Variants in FLT4 observed in about 807,000 individuals in gnomAD.
FLT4 encodes vascular endothelial growth factor receptor 3.
A neutral mutation model predicts 163.2 loss-of-function variants in FLT4; 30 were observed. That is an observed-to-expected ratio of 0.18 (90% CI 0.14 to 0.25). The LOEUF is 0.25. Among genes scored for constraint, FLT4 ranks in the 10% least tolerant of loss-of-function variants. The pLI, the probability that FLT4 is intolerant of heterozygous loss-of-function variation, is 1.00. For synonymous variants in FLT4, 884 were observed against 789.5 expected (o/e 1.12, Z -2.01); for missense variants, 1,510 against 1,863.8 (o/e 0.81, Z 3.50).
In FLT4 at chr5:180,630,254, T is replaced by C. The variant is rs556048251; in HGVS notation, c.484A>G (p.Ile162Val). The C allele has an allele frequency of 1.2e-6, 2 of 1,612,524 alleles. No individual in the cohort carries two copies. The highest frequency in any genetic ancestry group is 2.2e-5 in the East Asian group (1 of 44,854). The change falls in exon 4 of 30, where the codon ATC (isoleucine) becomes GTC (valine). Residue 162 changes from isoleucine (I) to valine (V), a missense_variant. Around this residue, in one of 5 missense-constraint regions of FLT4, gnomAD observed 163 missense variants for 281.1 expected, o/e 0.58. Transcript: ENST00000261937. This position sits in a 1 kb window ranked among gnomAD's most constrained non-coding sequence, Gnocchi z 6.3. ...CGCAGCGTGACATTGAGGCCGGGGA[T>C]GGACACCAGACAGGGCACCCACATG... Reference protein sequence around the residue: ...DAMWVPCLVSIPGLNVTLRSQ... With the variant: ...DAMWVPCLVSVPGLNVTLRSQ...
Position 180,616,385 on chromosome 5 carries a change from G to A in FLT4, c.3201C>T (p.Asp1067=), listed in dbSNP as rs752833693. The change falls in exon 23 of 30, where the codon GAC becomes GAT. Residue 1067 remains aspartate (D), a synonymous_variant. Transcript: ENST00000261937. ...GLARDIYKDP[D]YVRKGSARLP... ...CACTCACACTGCCCTTGCGGACGTA[G>A]TCGGGGTCTTTGTAGATGTCCCGGG... 5 of 1,614,014 alleles carry A rather than the reference G, an allele frequency of 3.1e-6. No homozygotes were observed. Among genetic ancestry groups the A allele is most frequent in the East Asian group, 4.5e-5 (2 of 44,884 alleles).
intron 1 of FLT4, among the ~76,000 whole-genome samples, chr5:180,643,976 C>A (rs1323986265): frequency 6.6e-6 from 1 of 152,144 alleles, no homozygotes; most frequent in East Asian, 1.9e-4. Context: ...CGCCTGCCAC[C>A]GCACGCAGCT....
At chr5:180,638,668 G>A (rs111266239) in intron 1 of FLT4, among the ~76,000 whole-genome samples, 198 of 152,152 alleles carry the variant, frequency 1.3e-3, no homozygotes, top group African/African-American at 4.1e-3. Context: ...TCACATTCAC[G>A]TCCTCCAGCC....
chr5:180,631,414 A>G (rs536787394), intron 2 of FLT4, among the ~76,000 whole-genome samples: 6 of 152,012 alleles, frequency 3.9e-5, no homozygotes, highest in East Asian at 1.9e-4. Context: ...CAGAGCTTGC[A>G]GTGAGCCGAG....
Position 180,620,710 on chromosome 5 carries a change from C to T in FLT4, c.2305G>A (p.Glu769Lys), listed in dbSNP as rs144822344. The change falls in exon 16 of 30, where the codon GAG (glutamate) becomes AAG (lysine). Residue 769 changes from glutamate to lysine, a missense_variant. By Grantham distance (56) the Glu-to-Lys change is moderately conservative. Around this residue, in one of 5 missense-constraint regions of FLT4, gnomAD observed 878 missense variants for 1,016.7 expected, o/e 0.86. Transcript: ENST00000261937. This position sits in a 1 kb window ranked among gnomAD's most constrained non-coding sequence, Gnocchi z 4.4. Reference sequence around the variant, plus strand: ...ACGATCTCCATGCTGCCCTTATCCTCGGAGCCTGCGTGGGCAGAAAGGGGC... The same window carrying T: ...ACGATCTCCATGCTGCCCTTATCCTTGGAGCCTGCGTGGGCAGAAAGGGGC... The part of the protein sequence containing the change: ...SSASVAVEGS[E>K]DKGSMEIVIL... 2.0e-5 allele frequency: 33 copies of T among 1,612,934 alleles called. No homozygotes were observed. Among genetic ancestry groups the T allele is most frequent in the Non-Finnish European group, 3.4e-6 (4 of 1,179,772 alleles).
rs1464418104 is a variant in FLT4 at position 180,611,545 on chromosome 5, ACCCTCAGCCCTCACCCCCG to A, written c.3538-85_3538-67del. 1.6e-3 allele frequency: 2,302 copies of A among 1,426,920 alleles called. 5 individuals are homozygous for A. The highest frequency in any genetic ancestry group is 4.6e-3 in the African/African-American group (254 of 55,272). The allele number at this position is 1,426,920 out of a possible 1,614,324, so 88.4% of individuals were successfully genotyped here. The stretch of plus-strand genomic sequence containing the variant: ...GCCACTGCCCTCAGCCCTCGCCCCC[ACCCTCAGCCCTCACCCCCG>A]CCCTCAGCCCTCACCCCCGCCCTCA... On this transcript the variant is annotated intron_variant, in intron 26 of 29. Transcript: ENST00000261937.
chr5:180,620,292 A>G lies in FLT4; in HGVS notation c.2423T>C (p.Ile808Thr), dbSNP rs1262531388. 6.2e-7 allele frequency: 1 copy of G among 1,611,848 alleles called. No individual in the cohort carries two copies. Residue 808 changes from isoleucine (I) to threonine (T), a missense_variant, in exon 17 of 30, where the codon ATC (isoleucine) becomes ACC (threonine). Physicochemically the swap from Ile to Thr is moderately conservative, Grantham distance 89. This residue lies in a region of FLT4 where 878 missense variants were observed against 1,016.7 expected (regional missense o/e 0.86). Transcript: ENST00000261937. This position sits in a 1 kb window ranked among gnomAD's most constrained non-coding sequence, Gnocchi z 4.4. ...GATGATGGACAGGTAGCCCGTCTTG[A>G]TGTCTGCGTGGGCCGGCTGCGGGGA... ...CNMRRPAHAD[I>T]KTGYLSIIMD...
chr5:180,620,952 C>G lies in FLT4; in HGVS notation c.2223G>C (p.Glu741Asp), dbSNP rs758808900. The G allele has an allele frequency of 3.7e-6, 6 of 1,610,614 alleles. 1 individual carries two copies. The highest frequency in any genetic ancestry group is 5.1e-6 in the Non-Finnish European group (6 of 1,178,790). ...CGCTGCACAGATAGCGTCCCGCATC[C>G]TCCTCGCGCACGCGCTGGATGCTCA... ...QKLSIQRVRE[E>D]DAGRYLCSVC... Residue 741 changes from glutamate to aspartate, a missense_variant, in exon 15 of 30, where the codon GAG (glutamate) becomes GAC (aspartate). Physicochemically the swap from Glu to Asp is conservative, Grantham distance 45 (BLOSUM62 2). This residue lies in a region of FLT4 where 878 missense variants were observed against 1,016.7 expected (regional missense o/e 0.86). Coordinates refer to ENST00000261937, the MANE Select transcript of FLT4 (RefSeq NM_182925.5). This position sits in a 1 kb window ranked among gnomAD's most constrained non-coding sequence, Gnocchi z 4.4.
rs901519284 is a variant in FLT4 at position 180,636,598 on chromosome 5, A to G, written c.59-4820T>C. Reference sequence around the variant, plus strand: ...CCTTCTCCATGACTTCACCATCCACAGGGCTGACTCACCAGCACCCTGGCC... The same window carrying G: ...CCTTCTCCATGACTTCACCATCCACGGGGCTGACTCACCAGCACCCTGGCC... On this transcript the variant is annotated intron_variant, in intron 1 of 29. Coordinates refer to ENST00000261937, the MANE Select transcript of FLT4 (RefSeq NM_182925.5). The surrounding 1 kb of genome is among the most constrained non-coding windows in gnomAD (Gnocchi z 4.3). 1.8e-4 allele frequency among the ~76,000 whole-genome samples: 24 copies of G among 136,480 alleles called. No homozygotes were observed. The highest frequency in any genetic ancestry group is 2.9e-4 in the Non-Finnish European group (19 of 64,814). The allele number at this position is 136,480 out of a possible 152,430, so 89.5% of individuals were successfully genotyped here.
At chr5:180,614,969 G>A (rs763233160) in intron 23 of FLT4, among the ~76,000 whole-genome samples, 21 of 152,050 alleles carry the variant, frequency 1.4e-4, no homozygotes, top group Admixed American at 5.9e-4. Flanking sequence ...AAGACACTCC[G>A]CCTCCTGAGT....
At chr5:180,604,253 T>C (rs1316236423) in intron 29 of FLT4, among the ~76,000 whole-genome samples, 1 of 152,092 alleles carries the variant, frequency 6.6e-6, no homozygotes, top group Non-Finnish European at 1.5e-5. Context: ...GTCTTGCCCA[T>C]CTCAGTGAAC....
chr5:180,626,197 T>C lies in FLT4; in HGVS notation c.1172A>G (p.Glu391Gly), dbSNP rs1190971662. 2 of 1,612,718 alleles carry C rather than the reference T, an allele frequency of 1.2e-6. No homozygotes were observed. The highest frequency in any genetic ancestry group is 1.7e-6 in the Non-Finnish European group (2 of 1,179,958). The change falls in exon 9 of 30, where the codon GAG becomes GGG. Residue 391 changes from glutamate (E) to glycine (G), a missense_variant. By Grantham distance (98) the Glu-to-Gly change is moderately conservative. This residue lies in a region of FLT4 where 878 missense variants were observed against 1,016.7 expected (regional missense o/e 0.86). Transcript: ENST00000261937. ...PHALVLKEVT[E>G]ASTGTYTLAL... ...GAGGGTGTAGGTGCCTGTGCTGGCCTCTGTCACCTCCTTGAGCACCAGGGC... is the reference window on the plus strand; with the variant it reads ...GAGGGTGTAGGTGCCTGTGCTGGCCCCTGTCACCTCCTTGAGCACCAGGGC...
rs1381670438 is a variant in FLT4, at chr5:180,618,910, G to C, written c.2861C>G (p.Pro954Arg). 3.2e-6 allele frequency: 5 copies of C among 1,585,814 alleles called. No homozygotes were observed. Among genetic ancestry groups the C allele is most frequent in the Non-Finnish European group, 4.3e-6 (5 of 1,167,012 alleles). The change falls in exon 21 of 30, where the codon CCC becomes CGC. Residue 954 changes from proline (P) to arginine (R), a missense_variant. Around this residue, in one of 5 missense-constraint regions of FLT4, gnomAD observed 878 missense variants for 1,016.7 expected, o/e 0.86. Transcript: ENST00000261937. ...DAFSPCAEKS[P>R]EQRGRFRAMV... ...GGCGCGGAAGCGTCCGCGCTGCTCG[G>C]GAGACTTCTCCTGCGGATGCACGAA... is the stretch of plus-strand genomic sequence containing the variant.
intron 1 of FLT4, among the ~76,000 whole-genome samples, chr5:180,634,694 CAAAA>C (rs1214794098): frequency 5.5e-5 from 2 of 36,418 alleles, no homozygotes; most frequent in Non-Finnish European, 9.9e-5. Flanking sequence ...GACTCCGTCT[CAAAA>C]AAAAAAAAAA....
At chr5:180,621,519 G>GC in intron 13 of FLT4, 23 bp downstream of exon 13, 1 of 1,609,686 alleles carries the variant, frequency 6.2e-7, no homozygotes, top group Non-Finnish European at 8.5e-7. Context: ...GCGCGTCCCC[G>GC]CCCTCCCCGC....
In FLT4 at chr5:180,601,894, C is replaced by G. The variant is rs1027457995; in HGVS notation, c.*1298G>C. 1 of 233,370 alleles carries G rather than the reference C, an allele frequency of 4.3e-6. No homozygotes were observed. Among genetic ancestry groups the G allele is most frequent in the Non-Finnish European group, 8.5e-6 (1 of 118,194 alleles). 14.5% of individuals were successfully genotyped at this position (233,370 alleles called of 1,614,324 possible). ...CGCTGCGCGGCGCCTGTCCTGCAAG[C>G]GTCTGGTGCGTGGGTTTGGGGGGTC... On this transcript the variant is annotated 3_prime_UTR_variant, in exon 30 of 30. Coordinates refer to ENST00000261937, the MANE Select transcript of FLT4 (RefSeq NM_182925.5).
Position 180,630,509 on chromosome 5 carries a change from A to C in FLT4, c.400+46T>G. On this transcript the variant is annotated intron_variant, in intron 3 of 29. Transcript: ENST00000261937. The surrounding 1 kb of genome is among the most constrained non-coding windows in gnomAD (Gnocchi z 6.3). ...ACAGGCTGGGGGCGGTGTGGGCCCC[A>C]GCTGCCCGGGACCCTGCTCCAGCCT... 1 of 1,610,178 alleles carries C rather than the reference A, an allele frequency of 6.2e-7. No individual in the cohort carries two copies. Among genetic ancestry groups the C allele is most frequent in the Non-Finnish European group, 8.5e-7 (1 of 1,179,212 alleles).
chr5:180,631,803 T>G, intron 1 of FLT4, 25 bp from the exon 2 acceptor site: 2 of 1,542,248 alleles, frequency 1.3e-6, no homozygotes, highest in Non-Finnish European at 1.8e-6. Flanking sequence ...AGGGTCAGCG[T>G]GGTGCTGGGC....
Position 180,619,249 on chromosome 5 carries a change from G to C in FLT4, c.2761+4C>G, listed in dbSNP as rs367883360. On this transcript the variant is annotated splice_donor_region_variant and intron_variant, in intron 19 of 29. Coordinates refer to ENST00000261937, the MANE Select transcript of FLT4 (RefSeq NM_182925.5). ...GCCGTCCCAGCGGGCCGCCCGCTCC[G>C]TACCCTGCGGCTTGGTGCACGCCCC... The C allele has an allele frequency of 1.2e-6, 2 of 1,604,350 alleles. No individual in the cohort carries two copies. Among genetic ancestry groups the C allele is most frequent in the Non-Finnish European group, 1.7e-6 (2 of 1,175,786 alleles).
Sources: allele counts gnomAD v4.1 joint callset (sites outside exome capture counted in the v4.1 genomes callset), GRCh38; gene constraint gnomAD v4.1.1; regional missense constraint gnomAD v4.1.1; non-coding constraint Gnocchi (gnomAD v3.1); transcripts MANE v1.5; gene names NCBI Gene and HGNC (gene_info 2026-07-23, HGNC 2026-07-21).